MACF1: variants seen among roughly 807,000 people sequenced by gnomAD.
The protein encoded by MACF1 is microtubule-actin cross-linking factor 1.
A neutral mutation model predicts 854.8 loss-of-function variants in MACF1; 193 were observed. That is an observed-to-expected ratio of 0.23 (90% confidence interval 0.20 to 0.25). MACF1 has a LOEUF of 0.25. Among genes scored for constraint, MACF1 ranks in the 10% least tolerant of loss-of-function variants. MACF1 has a pLI of 1.00. For missense variants in MACF1, 7,722 were observed against 8,929.1 expected, an observed-to-expected ratio of 0.86 and a Z score of 5.45; for synonymous variants, 3,185 against 3,226.7, an observed-to-expected ratio of 0.99 and a Z score of 0.44.
chr1:39,310,481 G>A, intron 25 of MACF1, 53 bp downstream of exon 25: 1 of 1,545,366 alleles, frequency 6.5e-7, no homozygotes, highest in Non-Finnish European at 8.7e-7. Flanking sequence ...GCCTTTCAAG[G>A]GGTTGCTGTG....
At chr1:39,195,963 A>C (rs939761814) in intron 2 of MACF1, among the ~76,000 whole-genome samples, 1 of 152,192 alleles carries the variant, frequency 6.6e-6, no homozygotes, top group African/African-American at 2.4e-5. Flanking sequence ...AGCAATATTC[A>C]TAGTCTTTGT....
At chr1:39,412,459 G>A in intron 58 of MACF1, 1 of 1,614,022 alleles carries the variant, frequency 6.2e-7, no homozygotes, top group Non-Finnish European at 8.5e-7. Context: ...CACACTTTTG[G>A]AGGATCAAGC....
chr1:39,192,714 G>C (rs1280071826), intron 2 of MACF1, among the ~76,000 whole-genome samples: 1 of 152,224 alleles, frequency 6.6e-6, no homozygotes, highest in East Asian at 1.9e-4. Context: ...CTCAATAAGA[G>C]AAACACTAAT....
At chr1:39,228,545 A>G (rs745919211) in intron 1 of MACF1, among the ~76,000 whole-genome samples, 4 of 152,240 alleles carry the variant, frequency 2.6e-5, no homozygotes, top group Non-Finnish European at 5.9e-5. Context: ...ATCTAAAAAG[A>G]TCAAAATATG....
chr1:39,346,215 A>T (rs1647043299), intron 40 of MACF1, among the ~76,000 whole-genome samples: 1 of 151,702 alleles, frequency 6.6e-6, no homozygotes, highest in Non-Finnish European at 1.5e-5. Context: ...ACAAAAAATT[A>T]GCCGGGCATG....
At chr1:39,302,879 T>A (rs921909403) in intron 22 of MACF1, 45 bp from the exon 23 acceptor site, 4 of 1,557,626 alleles carry the variant, frequency 2.6e-6, no homozygotes, top group Non-Finnish European at 3.5e-6. Context: ...AATAATGGGT[T>A]GTTGGTTTAT....
At chr1:39,212,509 T>G (rs909525285) in intron 1 of MACF1, among the ~76,000 whole-genome samples, 19 of 152,306 alleles carry the variant, frequency 1.2e-4, no homozygotes, top group Middle Eastern at 3.4e-3. Flanking sequence ...TTCCTCCAAC[T>G]TCACCCAGTA....
At chr1:39,353,265 G>A in intron 44 of MACF1, 34 bp downstream of exon 44, 1 of 1,527,266 alleles carries the variant, frequency 6.5e-7, no homozygotes, top group Non-Finnish European at 8.9e-7. Flanking sequence ...CTATGCTAGA[G>A]AAATCTCTCC....
In MACF1 at chr1:39,347,149, C is replaced by T. The variant is rs750575515; in HGVS notation, c.10754C>T (p.Ala3585Val). ...TTCCAGGACATTTTGGAACAGACTG[C>T]CGCTCAGGTGGATGCCTTGCAGGGC... is the stretch of plus-strand genomic sequence containing the variant. ...RSFQDILEQTAAQVDALQGHL... is the reference protein window; with the variant it reads ...RSFQDILEQTVAQVDALQGHL... The change falls in exon 41 of 101, where the codon GCC (alanine) becomes GTC (valine). Residue 3585 changes from alanine to valine, a missense_variant. This residue lies in a region of MACF1 where 854 missense variants were observed against 852.6 expected (regional missense o/e 1.00). Transcript: ENST00000564288. The T allele has an allele frequency of 1.2e-6, 2 of 1,613,990 alleles. No homozygotes were observed. The highest frequency in any genetic ancestry group is 2.2e-5 in the East Asian group (1 of 44,880).
chr1:39,333,177 A>G lies in MACF1; in HGVS notation c.6589A>G (p.Lys2197Glu), dbSNP rs936743250. ...AGGATCTCACATAAAACCCCAAAGC[A>G]AAAAGTTACAAGTTCAGGTAAAGAA... is the stretch of plus-strand genomic sequence containing the variant. ...TGGSHIKPQS[K>E]KLQVQVKKTL... The change falls in exon 37 of 101, where the codon AAA becomes GAA. Residue 2197 changes from lysine (K) to glutamate (E), a missense_variant. Lys to Glu is a moderately conservative substitution (Grantham distance 56, BLOSUM62 1). Coordinates refer to ENST00000564288, the MANE Select transcript of MACF1 (RefSeq NM_001394062.1). 5 of 1,612,952 alleles carry G rather than the reference A, an allele frequency of 3.1e-6. No individual in the cohort carries two copies. The highest frequency in any genetic ancestry group is 4.2e-6 in the Non-Finnish European group (5 of 1,179,878).
rs779586739 is a variant in MACF1 at position 39,237,131 on chromosome 1, C to T, written c.171+5888C>T. 3.3e-5 allele frequency among the ~76,000 whole-genome samples: 5 copies of T among 152,314 alleles called. No homozygotes were observed. In the South Asian group the frequency reaches 8.3e-4, roughly 25 times the overall value. ...TATAGCCACATGAGACAACTCACTG[C>T]CCCCTAAACACTGTGTACTTTCACA... On this transcript the variant is annotated intron_variant, in intron 2 of 100. Coordinates refer to ENST00000564288, the MANE Select transcript of MACF1 (RefSeq NM_001394062.1).
At chr1:39,115,862 A>G (rs887137656) in intron 2 of MACF1, among the ~76,000 whole-genome samples, 19 of 152,220 alleles carry the variant, frequency 1.2e-4, no homozygotes, top group African/African-American at 4.6e-4. Context: ...AGTTTCAAGG[A>G]GAGTGTGACA....
chr1:39,207,440 C>T (rs1245308707), intron 1 of MACF1, among the ~76,000 whole-genome samples: 2 of 151,994 alleles, frequency 1.3e-5, no homozygotes, highest in Non-Finnish European at 2.9e-5. Context: ...GCCACCACAG[C>T]CGGCTGATTT....
chr1:39,287,483 T>C lies in MACF1; in HGVS notation c.1706T>C (p.Leu569Pro). Residue 569 changes from leucine (L) to proline (P), a missense_variant, in exon 15 of 101, where the codon CTT becomes CCT. Leu to Pro is a moderately conservative substitution (Grantham distance 98). This residue lies in a region of MACF1 where 1,137 missense variants were observed against 1,263.0 expected (regional missense o/e 0.90). Coordinates refer to ENST00000564288, the MANE Select transcript of MACF1 (RefSeq NM_001394062.1). ...CGAAAGCCTATGACTCGGGCTGAACTTGTGGCCATCAGCTCCTCTGAAGAT... is the reference window on the plus strand; with the variant it reads ...CGAAAGCCTATGACTCGGGCTGAACCTGTGGCCATCAGCTCCTCTGAAGAT... ...WFRKPMTRAE[L>P]VAISSSEDEG... is the part of the protein sequence containing the mutation. The C allele has an allele frequency of 6.2e-7, 1 of 1,614,230 alleles. No individual in the cohort carries two copies. Among genetic ancestry groups the C allele is most frequent in the South Asian group, 1.1e-5 (1 of 91,084 alleles).
At chr1:39,218,000 G>A (rs903454691) in intron 1 of MACF1, among the ~76,000 whole-genome samples, 57 of 151,912 alleles carry the variant, frequency 3.8e-4, no homozygotes, top group Non-Finnish European at 7.5e-4. Context: ...TGGCTGACAC[G>A]GTGAAACCCT....
chr1:39,376,411 G>A (rs79001371), intron 52 of MACF1, among the ~76,000 whole-genome samples: 7,872 of 152,048 alleles, frequency 0.052, 294 homozygotes, highest in Non-Finnish European at 0.077. Flanking sequence ...ATCTAGCTCC[G>A]TTTCATAAAG....
chr1:39,230,637 G>T (rs1644767131), intron 1 of MACF1, among the ~76,000 whole-genome samples: 1 of 152,102 alleles, frequency 6.6e-6, no homozygotes, highest in Non-Finnish European at 1.5e-5. Flanking sequence ...ACAGGAGAAG[G>T]TAGAGAGGGA....
At position 39,287,458 on chromosome 1, in the gene MACF1, C is replaced by T. The variant is rs1571270721; in HGVS notation, c.1681C>T (p.Arg561Ter). ...CCATTCTTCTTCTACCTCCTGGTTC[C>T]GAAAGCCTATGACTCGGGCTGAACT... is the stretch of plus-strand genomic sequence containing the variant. ...ATHSSSTSWF[R>*]KPMTRAELVA... Residue 561 changes from arginine to a stop codon, truncating the protein, a stop_gained, in exon 15 of 101, where the codon CGA (arginine) becomes TGA (stop). Transcript: ENST00000564288. LOFTEE classifies it high-confidence loss of function. The T allele has an allele frequency of 6.2e-7, 1 of 1,613,980 alleles. No homozygotes were observed. Among genetic ancestry groups the T allele is most frequent in the African/African-American group, 1.3e-5 (1 of 74,888 alleles).
intron 100 of MACF1, chr1:39,485,329 C>T: frequency 1.7e-6 from 1 of 585,218 alleles, no homozygotes; most frequent in Non-Finnish European, 2.9e-6. Context: ...GATAGAGTGG[C>T]TTTCTAATCC....
Sources: allele counts gnomAD v4.1 joint callset (sites outside exome capture counted in the v4.1 genomes callset), GRCh38; gene constraint gnomAD v4.1.1; regional missense constraint gnomAD v4.1.1; transcripts MANE v1.5; gene names NCBI Gene and HGNC (gene_info 2026-07-23, HGNC 2026-07-21).